MCC: variants seen among roughly 807,000 people sequenced by gnomAD.
MCC encodes the protein colorectal mutant cancer protein.
MCC carries 90 observed loss-of-function variants against 116.2 expected under a neutral mutation model. That is an observed-to-expected ratio of 0.77 (90% CI 0.65 to 0.92). The LOEUF (loss-of-function observed/expected upper bound fraction) is 0.92. Among genes scored for constraint, MCC ranks in the 40% least tolerant of loss-of-function variants. The probability of loss-of-function intolerance (pLI) is 0.00; values close to 1 mark genes in which losing one functional copy is unlikely to be tolerated. For missense variants in MCC, 1,516 were observed against 1,312.2 expected, an observed-to-expected ratio of 1.16 and a Z score of -2.40; for synonymous variants, 578 against 510.5, an observed-to-expected ratio of 1.13 and a Z score of -1.78.
At chr5:113,426,224 C>G (rs1354563699) in intron 1 of MCC, among the ~76,000 whole-genome samples, 1 of 152,124 alleles carries the variant, frequency 6.6e-6, no homozygotes, top group Non-Finnish European at 1.5e-5. Flanking sequence ...CTCCCTCTGG[C>G]CTGAGATAAG....
chr5:113,123,449 G>A (rs1757851982), intron 5 of MCC, among the ~76,000 whole-genome samples: 1 of 152,198 alleles, frequency 6.6e-6, no homozygotes, highest in African/African-American at 2.4e-5. Flanking sequence ...ACAGAACACT[G>A]AATGAGAGAA....
At chr5:113,427,632 G>A (rs1770519437) in intron 1 of MCC, among the ~76,000 whole-genome samples, 2 of 152,096 alleles carry the variant, frequency 1.3e-5, no homozygotes, top group Admixed American at 6.5e-5. Flanking sequence ...GGTAGTTTGG[G>A]CTTTCTTATT....
chr5:113,151,247 T>C, intron 4 of MCC, 62 bp downstream of exon 4: 6 of 996,732 alleles, frequency 6.0e-6, no homozygotes, highest in Non-Finnish European at 9.1e-6. Flanking sequence ...ATGTTTTATC[T>C]TAAGATTAAA....
intron 3 of MCC, among the ~76,000 whole-genome samples, chr5:113,159,418 C>G (rs1397139367): frequency 6.6e-6 from 1 of 152,194 alleles, no homozygotes; most frequent in Non-Finnish European, 1.5e-5. Flanking sequence ...CGTCTTACCA[C>G]TGGCAAGGGA....
chr5:113,294,466 G>A, intron 3 of MCC: 2 of 1,604,138 alleles, frequency 1.2e-6, no homozygotes, highest in Non-Finnish European at 1.7e-6. Context: ...AATATCCACT[G>A]CTTGGTCCCT....
intron 1 of MCC, among the ~76,000 whole-genome samples, chr5:113,402,398 A>C (rs1265826197): frequency 2.6e-5 from 4 of 151,492 alleles, no homozygotes; most frequent in Non-Finnish European, 4.4e-5. Flanking sequence ...GCCTCAAGTG[A>C]TCCTCTCAGC....
chr5:113,252,005 T>G (rs59673184), intron 3 of MCC, among the ~76,000 whole-genome samples: 4,651 of 152,176 alleles, frequency 0.031, 191 homozygotes, highest in African/African-American at 0.091. Flanking sequence ...AATTACCAGA[T>G]TAAATCAAAT....
At chr5:113,444,972 GCTAGTAAAGGGCAGAA>G (rs1041258640) in intron 1 of MCC, among the ~76,000 whole-genome samples, 49 of 152,318 alleles carry the variant, frequency 3.2e-4, no homozygotes, top group African/African-American at 1.2e-3. Context: ...CAAGGGCAGA[GCTAGTAAAGGGCAGAA>G]CTGTATATTT....
chr5:113,061,923 A>G (rs1223807152), intron 14 of MCC, among the ~76,000 whole-genome samples: 1 of 152,258 alleles, frequency 6.6e-6, no homozygotes, highest in Non-Finnish European at 1.5e-5. Context: ...CAAAATTACT[A>G]TAATTATCAT....
intron 11 of MCC, among the ~76,000 whole-genome samples, chr5:113,081,096 G>T (rs1422705072): frequency 6.6e-6 from 1 of 152,176 alleles, no homozygotes. Flanking sequence ...TGCCAATCAT[G>T]AAGTTAAAGG....
rs1231114976 is a variant in MCC, at chr5:113,396,509, C to CACCTG, written c.171-11302_171-11298dup. On this transcript the variant is annotated intron_variant, in intron 1 of 18. Transcript: ENST00000408903. The stretch of plus-strand genomic sequence containing the variant: ...AAAAATAGCCAGATGTGGTGGCACA[C>CACCTG]ACCTGCAACCCCAGCTACTCAGGAG... Among the ~76,000 whole-genome samples, 9 of 151,788 alleles carry CACCTG rather than the reference C, an allele frequency of 5.9e-5. No homozygotes were observed. The East Asian group carries it at 1.7e-3, about 30-fold the overall frequency.
intron 4 of MCC, among the ~76,000 whole-genome samples, chr5:113,148,444 T>G (rs1395124654): frequency 6.6e-6 from 1 of 152,230 alleles, no homozygotes; most frequent in Non-Finnish European, 1.5e-5. Context: ...CATTAATAAT[T>G]ATTCAACAGA....
At chr5:113,241,572 G>T (rs1021870643) in intron 3 of MCC, among the ~76,000 whole-genome samples, 7 of 152,186 alleles carry the variant, frequency 4.6e-5, no homozygotes, top group African/African-American at 1.7e-4. Flanking sequence ...TGGACCTCCA[G>T]GTCTCTGCCT....
rs756460605 is a variant in MCC at position 113,104,312 on chromosome 5, T to C, written c.1071A>G (p.Thr357=). The change falls in exon 7 of 19, where the codon ACA becomes ACG. Residue 357 remains threonine, a synonymous_variant. Transcript: ENST00000408903. ...TGCCGCAGACAACATTCTCCAGCCC[T>C]GTCAGCACCCTCTGCAGTTCTGAGT... ...DLNSELQRVL[T]GLENVVCGRK... 6.2e-7 allele frequency: 1 copy of C among 1,613,900 alleles called. No individual in the cohort carries two copies. Among genetic ancestry groups the C allele is most frequent in the Admixed American group, 1.7e-5 (1 of 60,020 alleles).
At chr5:113,105,227 C>T (rs542236436) in intron 6 of MCC, among the ~76,000 whole-genome samples, 2 of 152,326 alleles carry the variant, frequency 1.3e-5, no homozygotes, top group South Asian at 2.1e-4. Context: ...TCTTCACCTA[C>T]GTCCAGCCTA....
chr5:113,153,821 G>C (rs916010104), intron 3 of MCC, among the ~76,000 whole-genome samples: 1 of 152,190 alleles, frequency 6.6e-6, no homozygotes, highest in African/African-American at 2.4e-5. Flanking sequence ...GTGGGGAAAA[G>C]AACTTTGGTA....
At chr5:113,090,477 T>C (rs1755534198) in intron 8 of MCC, among the ~76,000 whole-genome samples, 1 of 151,832 alleles carries the variant, frequency 6.6e-6, no homozygotes, top group South Asian at 2.1e-4. Flanking sequence ...TAAATAATAG[T>C]ACAAAATAAA....
At chr5:113,414,553 T>A (rs1770088241) in intron 1 of MCC, among the ~76,000 whole-genome samples, 1 of 152,298 alleles carries the variant, frequency 6.6e-6, no homozygotes, top group South Asian at 2.1e-4. Context: ...CTTTGTTGGT[T>A]TAAAGTCCGT....
chr5:113,071,466 T>A (rs578214092), intron 11 of MCC, among the ~76,000 whole-genome samples: 1 of 152,260 alleles, frequency 6.6e-6, no homozygotes, highest in African/African-American at 2.4e-5. Context: ...CCCCCAGCCA[T>A]TGCCACACTC....
Sources: allele counts gnomAD v4.1 joint callset (sites outside exome capture counted in the v4.1 genomes callset), GRCh38; gene constraint gnomAD v4.1.1; transcripts MANE v1.5; gene names NCBI Gene and HGNC (gene_info 2026-07-23, HGNC 2026-07-21).